SYT17: variants seen among roughly 807,000 people sequenced by gnomAD.
SYT17 encodes the protein synaptotagmin 17.
Under a neutral mutation model 46.7 loss-of-function variants are expected in SYT17, and 22 were observed. That is an observed-to-expected ratio of 0.47 (90% confidence interval 0.34 to 0.67). The LOEUF is 0.67. Ranked by LOEUF, SYT17 falls within the 30% of genes least tolerant of loss-of-function variation. SYT17 has a pLI of 0.01. For missense variants in SYT17, 519 were observed against 612.8 expected, an observed-to-expected ratio of 0.85 and a Z score of 1.62; for synonymous variants, 251 against 248.4, an observed-to-expected ratio of 1.01 and a Z score of -0.10.
At chr16:19,230,914 ATT>A (rs1319908895) in intron 7 of SYT17, among the ~76,000 whole-genome samples, 2 of 152,208 alleles carry the variant, frequency 1.3e-5, no homozygotes, top group Non-Finnish European at 2.9e-5. Context: ...ATGAGACGTT[ATT>A]ATTATTACTT....
chr16:19,168,390 C>G lies in SYT17; in HGVS notation c.-257C>G, dbSNP rs1963946167. 3.6e-6 allele frequency: 2 copies of G among 554,034 alleles called. No individual in the cohort carries two copies. The highest frequency in any genetic ancestry group is 4.1e-5 in the African/African-American group (2 of 49,248). The allele number at this position is 554,034 out of a possible 1,614,324, so 34.3% of individuals were successfully genotyped here. A position where few individuals can be genotyped will look rare whatever the true frequency, so the allele number is the denominator to read the frequency against. On this transcript the variant is annotated 5_prime_UTR_variant, in exon 1 of 8. Coordinates refer to ENST00000355377, the MANE Select transcript of SYT17 (RefSeq NM_016524.4). The surrounding 1 kb of genome is among the most constrained non-coding windows in gnomAD (Gnocchi z 6.9). The stretch of plus-strand genomic sequence containing the variant: ...CACGGGACAGCGAGGGAGGCCGAGG[C>G]GGGGGCCCTGGGCGCCCGATATCTC...
At chr16:19,216,311 A>G (rs1966091810) in intron 5 of SYT17, among the ~76,000 whole-genome samples, 3 of 151,894 alleles carry the variant, frequency 2.0e-5, no homozygotes, top group Admixed American at 2.0e-4. Flanking sequence ...TCCCAAGAAT[A>G]GATTGTGCTT....
rs767001468 is a variant in SYT17, at chr16:19,219,444, A to AAATAATAAT, written c.952-3586_952-3578dup. Among the ~76,000 whole-genome samples the AAATAATAAT allele has an allele frequency of 3.8e-4, 46 of 121,956 alleles. 15 individuals carry two copies. Among genetic ancestry groups the AAATAATAAT allele is most frequent in the Non-Finnish European group, 6.8e-4 (36 of 52,942 alleles). 80.0% of individuals were successfully genotyped at this position (121,956 alleles called of 152,430 possible). A position where few individuals can be genotyped will look rare whatever the true frequency, so the allele number is the denominator to read the frequency against. The stretch of plus-strand genomic sequence containing the variant: ...AAAAAAAAAAAAAAAAAAAAAAAAA[A>AAATAATAAT]AATAATAATAATAATAATAATAAAA... On this transcript the variant is annotated intron_variant, in intron 5 of 7. Transcript: ENST00000355377.
At chr16:19,207,586 A>G (rs1263788232) in intron 5 of SYT17, among the ~76,000 whole-genome samples, 1 of 152,182 alleles carries the variant, frequency 6.6e-6, no homozygotes, top group Non-Finnish European at 1.5e-5. Context: ...GAACTCTATC[A>G]TGAGAACAGC....
intron 7 of SYT17, among the ~76,000 whole-genome samples, chr16:19,246,271 T>C (rs1336928459): frequency 6.6e-6 from 1 of 152,114 alleles, no homozygotes; most frequent in African/African-American, 2.4e-5. Flanking sequence ...GGATTGCAGG[T>C]GTGAGCCGCC....
chr16:19,244,150 C>T (rs1484270868), intron 7 of SYT17, among the ~76,000 whole-genome samples: 1 of 152,184 alleles, frequency 6.6e-6, no homozygotes, highest in Non-Finnish European at 1.5e-5. Context: ...CATCGCACAA[C>T]AACCAGACGA....
chr16:19,168,675 TG>T lies in SYT17; in HGVS notation c.15+19del. 1 of 1,511,172 alleles carries T rather than the reference TG, an allele frequency of 6.6e-7. No individual in the cohort carries two copies. The highest frequency in any genetic ancestry group is 1.4e-5 in the African/African-American group (1 of 69,180). 93.6% of individuals were successfully genotyped at this position (1,511,172 alleles called of 1,614,324 possible). A position where few individuals can be genotyped will look rare whatever the true frequency, so the allele number is the denominator to read the frequency against. On this transcript the variant is annotated intron_variant, in intron 1 of 7. Transcript: ENST00000355377. This position sits in a 1 kb window ranked among gnomAD's most constrained non-coding sequence, Gnocchi z 6.9. ...GCGTACATCCAGGTAGGGCTGAGGC[TG>T]GGGGCAAGGTCCGGGGTGCGGGTAG...
At chr16:19,195,395 CAAA>C (rs1421008363) in intron 5 of SYT17, among the ~76,000 whole-genome samples, 3 of 146,466 alleles carry the variant, frequency 2.0e-5, no homozygotes, top group African/African-American at 5.2e-5. Flanking sequence ...CAAAACAAAA[CAAA>C]CCTTTTTTTT....
intron 5 of SYT17, among the ~76,000 whole-genome samples, chr16:19,202,302 C>G (rs1359329859): frequency 6.6e-6 from 1 of 152,184 alleles, no homozygotes; most frequent in Non-Finnish European, 1.5e-5. Context: ...GAAAGGCTCA[C>G]AGAACTCAGG....
chr16:19,214,348 A>C (rs1966011650), intron 5 of SYT17, among the ~76,000 whole-genome samples: 1 of 151,678 alleles, frequency 6.6e-6, no homozygotes, highest in African/African-American at 2.4e-5. Flanking sequence ...TTTTGTTTTA[A>C]ATTAGAGACC....
intron 1 of SYT17, chr16:19,170,045 C>T (rs1400750217): frequency 6.6e-6 from 1 of 152,204 alleles, no homozygotes; most frequent in Non-Finnish European, 1.5e-5. Flanking sequence ...TTAAGCATCT[C>T]ATATGGCGAT....
chr16:19,219,467 A>AT (rs1966225887), intron 5 of SYT17, among the ~76,000 whole-genome samples: 2 of 151,382 alleles, frequency 1.3e-5, no homozygotes, highest in Admixed American at 6.6e-5. Flanking sequence ...AATAATAATA[A>AT]AACAAACACC....
intron 5 of SYT17, among the ~76,000 whole-genome samples, chr16:19,212,925 CT>C (rs1443391809): frequency 6.6e-6 from 1 of 152,206 alleles, no homozygotes; most frequent in Non-Finnish European, 1.5e-5. Context: ...TTAGCTGGAT[CT>C]TTCTGGGCTC....
At chr16:19,246,406 G>T (rs1967571146) in intron 7 of SYT17, among the ~76,000 whole-genome samples, 2 of 152,142 alleles carry the variant, frequency 1.3e-5, no homozygotes, top group African/African-American at 4.8e-5. Context: ...ATATGAATAT[G>T]TAAAAATGAA....
chr16:19,204,662 T>G (rs1348797309), intron 5 of SYT17, among the ~76,000 whole-genome samples: 4 of 152,098 alleles, frequency 2.6e-5, no homozygotes, highest in African/African-American at 9.7e-5. Flanking sequence ...ACCTGTGTTA[T>G]CAGTATTTCC....
chr16:19,223,308 C>T lies in SYT17; in HGVS notation c.1072+143C>T, dbSNP rs111713104. ...GGTAAATGATGCCATCTTAGTAACC[C>T]TATTGGAATTGGGGAGTTGACTGAG... On this transcript the variant is annotated intron_variant, in intron 6 of 7. Transcript: ENST00000355377. 288 of 1,078,044 alleles carry T rather than the reference C, an allele frequency of 2.7e-4. 3 individuals carry two copies. The African/African-American group carries it at 4.1e-3, about 15-fold the overall frequency. 66.8% of individuals were successfully genotyped at this position (1,078,044 alleles called of 1,614,324 possible). A position where few individuals can be genotyped will look rare whatever the true frequency, so the allele number is the denominator to read the frequency against.
chr16:19,172,886 C>T (rs1964155167), intron 2 of SYT17, 109 bp downstream of exon 2: 2 of 1,356,744 alleles, frequency 1.5e-6, no homozygotes, highest in Admixed American at 1.9e-5. Flanking sequence ...TCAACAATAA[C>T]CTGGTGTTAA....
In SYT17 at chr16:19,183,428, C is replaced by T. The variant is rs1964634306; in HGVS notation, c.332-100C>T. On this transcript the variant is annotated intron_variant, in intron 4 of 7. Coordinates refer to ENST00000355377, the MANE Select transcript of SYT17 (RefSeq NM_016524.4). The surrounding 1 kb of genome is among the most constrained non-coding windows in gnomAD (Gnocchi z 5.6). Reference sequence around the variant, plus strand: ...GTGGAGAAAGATGGCAAAGGTCATTCTGAAGCAGAGTAAACAATGCAAGAA... The same window carrying T: ...GTGGAGAAAGATGGCAAAGGTCATTTTGAAGCAGAGTAAACAATGCAAGAA... 6.1e-6 allele frequency: 9 copies of T among 1,481,334 alleles called. No homozygotes were observed. In the South Asian group the frequency reaches 1.0e-4, roughly 17 times the overall value. 91.8% of individuals were successfully genotyped at this position (1,481,334 alleles called of 1,614,324 possible).
At position 19,256,723 on chromosome 16, in the gene SYT17, C is replaced by T. The variant is rs562851597; in HGVS notation, c.1229-10157C>T. ...CCTCCCAAGTAGCTGGGACCACAGG[C>T]GTGCACCAACATGCCCAGCTACTTT... On this transcript the variant is annotated intron_variant, in intron 7 of 7. Coordinates refer to ENST00000355377, the MANE Select transcript of SYT17 (RefSeq NM_016524.4). 5.9e-5 allele frequency among the ~76,000 whole-genome samples: 9 copies of T among 152,128 alleles called. No homozygotes were observed. The South Asian group carries it at 6.2e-4, about 11-fold the overall frequency.
Sources: gnomAD v4.1 joint callset for allele counts (sites outside exome capture counted in the v4.1 genomes callset) on GRCh38, gnomAD v4.1.1 for gene constraint, Gnocchi (gnomAD v3.1) non-coding constraint, MANE v1.5 for transcripts, NCBI Gene and HGNC (gene_info 2026-07-23, HGNC 2026-07-21) for gene names.